The following PARP15 variants were observed in gnomAD, a reference collection of about 807,000 sequenced individuals.
PARP15 encodes protein mono-ADP-ribosyltransferase PARP15.
A neutral mutation model predicts 62.1 loss-of-function variants in PARP15; 50 were observed. That is an observed-to-expected ratio of 0.81 (90% confidence interval 0.64 to 1.02). The LOEUF (loss-of-function observed/expected upper bound fraction) is 1.02. PARP15 is among the 50% of genes least tolerant of loss of function. The pLI is 0.00. For missense variants in PARP15, 820 were observed against 826.5 expected (o/e 0.99, Z 0.10); for synonymous variants, 309 against 293.1 (o/e 1.05, Z -0.55).
chr3:122,593,690 G>A (rs1349962228), intron 1 of PARP15, among the ~76,000 whole-genome samples: 1 of 151,988 alleles, frequency 6.6e-6, no homozygotes, highest in Non-Finnish European at 1.5e-5. Flanking sequence ...GTTTTCTCTA[G>A]TGTTTTACTT....
chr3:122,598,644 G>A (rs2107500607), intron 1 of PARP15, among the ~76,000 whole-genome samples: 1 of 152,302 alleles, frequency 6.6e-6, no homozygotes, highest in East Asian at 1.9e-4. Flanking sequence ...AAGTGACATA[G>A]CGTCAATTCT....
chr3:122,602,554 C>T (rs1009783926), intron 1 of PARP15, among the ~76,000 whole-genome samples: 3 of 152,192 alleles, frequency 2.0e-5, no homozygotes, highest in Non-Finnish European at 4.4e-5. Context: ...AACTCAGGCT[C>T]TGTTGCTAGG....
chr3:122,612,432 T>TTTTTGTTTTTGC (rs1482172149), intron 3 of PARP15, among the ~76,000 whole-genome samples: 4 of 151,984 alleles, frequency 2.6e-5, no homozygotes, highest in Non-Finnish European at 4.4e-5. Context: ...TTTGTTTTTG[T>TTTTTGTTTTTGC]TTTTGTTTTT....
At chr3:122,596,697 GCTTATA>G (rs992767716) in intron 1 of PARP15, among the ~76,000 whole-genome samples, 80 of 152,264 alleles carry the variant, frequency 5.3e-4, no homozygotes, top group African/African-American at 1.8e-3. Flanking sequence ...GCACAAAATA[GCTTATA>G]CTTATACTTT....
intron 3 of PARP15, among the ~76,000 whole-genome samples, chr3:122,610,948 G>T (rs1409240670): frequency 6.6e-6 from 1 of 152,160 alleles, no homozygotes; most frequent in Non-Finnish European, 1.5e-5. Context: ...TCTGCCCTAG[G>T]CTGTGAAACC....
At chr3:122,584,574 CT>C (rs1295988177) in intron 1 of PARP15, among the ~76,000 whole-genome samples, 145 of 136,592 alleles carry the variant, frequency 1.1e-3, no homozygotes, top group East Asian at 8.5e-3. Context: ...CATTTCTTTC[CT>C]TTTTTTTTTT....
intron 1 of PARP15, among the ~76,000 whole-genome samples, 170 bp from the exon 2 acceptor site, chr3:122,605,766 G>A (rs144865031): frequency 0.016 from 2,402 of 152,090 alleles, 65 homozygotes; most frequent in African/African-American, 0.053. Context: ...TTTTTTCGTA[G>A]AGACAGGGTC....
intron 1 of PARP15, among the ~76,000 whole-genome samples, chr3:122,581,139 C>T (rs2080794960): frequency 6.6e-6 from 1 of 152,200 alleles, no homozygotes; most frequent in Non-Finnish European, 1.5e-5. Context: ...CCTAATAACA[C>T]ATTTATCAGA....
At chr3:122,587,659 G>A (rs1342650604) in intron 1 of PARP15, among the ~76,000 whole-genome samples, 1 of 152,122 alleles carries the variant, frequency 6.6e-6, no homozygotes, top group Non-Finnish European at 1.5e-5. Context: ...CTCCCTGGTA[G>A]CTGGGACTAT....
chr3:122,617,962 C>G (rs979887367), intron 6 of PARP15, among the ~76,000 whole-genome samples: 23 of 152,146 alleles, frequency 1.5e-4, no homozygotes, highest in African/African-American at 5.3e-4. Context: ...GAACTCCTGA[C>G]CTCAGGTGAT....
At chr3:122,606,486 AG>A (rs1576507799) in intron 2 of PARP15, among the ~76,000 whole-genome samples, 1 of 152,208 alleles carries the variant, frequency 6.6e-6, no homozygotes, top group Non-Finnish European at 1.5e-5. Flanking sequence ...GGAGGGATAA[AG>A]GTTACCAGAA....
rs149393892 is a variant in PARP15 at position 122,611,860 on chromosome 3, A to G, written c.543+1130A>G. Among the ~76,000 whole-genome samples the G allele has an allele frequency of 4.1e-3, 624 of 152,018 alleles. 3 individuals are homozygous for G. Among genetic ancestry groups the G allele is most frequent in the African/African-American group, 0.013 (552 of 41,442 alleles). On this transcript the variant is annotated intron_variant, in intron 3 of 11. Transcript: ENST00000464300. Reference sequence around the variant, plus strand: ...CTCCCGAGTAGCTAGGATTATAGGCATGTGCCACTACACCTGGCTAATTTT... The same window carrying G: ...CTCCCGAGTAGCTAGGATTATAGGCGTGTGCCACTACACCTGGCTAATTTT...
chr3:122,608,938 AGAGACAAAGTCTCACTGTGTTG>A (rs1325733804), intron 2 of PARP15, among the ~76,000 whole-genome samples: 1 of 151,796 alleles, frequency 6.6e-6, no homozygotes, highest in Non-Finnish European at 1.5e-5. Context: ...TTTTAATTGT[AGAGACAAAGTCTCACTGTGTTG>A]CTCAGGCTGG....
In PARP15 at chr3:122,579,999, G is replaced by GTGTATATATA. The variant is rs1553725409; in HGVS notation, c.186+2147_186+2148insGTATATATAT. Among the ~76,000 whole-genome samples the GTGTATATATA allele has an allele frequency of 2.7e-3, 171 of 64,446 alleles. 2 individuals carry two copies. Among genetic ancestry groups the GTGTATATATA allele is most frequent in the Non-Finnish European group, 4.5e-3 (137 of 30,722 alleles). 42.3% of individuals were successfully genotyped at this position (64,446 alleles called of 152,430 possible). On this transcript the variant is annotated intron_variant, in intron 1 of 11. Transcript: ENST00000464300. Reference sequence around the variant, plus strand: ...GTCTGAACAACAACAGCAACTATATGTATATATATATATATATATATATAT... The same window carrying GTGTATATATA: ...GTCTGAACAACAACAGCAACTATATGTGTATATATATATATATATATATATATATATATAT...
chr3:122,625,243 CTTTG>C (rs1052735624), intron 8 of PARP15, among the ~76,000 whole-genome samples: 6 of 106,606 alleles, frequency 5.6e-5, no homozygotes, highest in African/African-American at 7.1e-5. Context: ...TGTTGTTGTT[CTTTG>C]TTTGTTTTTT....
chr3:122,621,377 C>T, intron 7 of PARP15, 67 bp from the exon 8 acceptor site: 2 of 1,502,874 alleles, frequency 1.3e-6, no homozygotes, highest in Non-Finnish European at 1.8e-6. Flanking sequence ...TTTCATTTCT[C>T]AAAAATCAAA....
intron 1 of PARP15, among the ~76,000 whole-genome samples, chr3:122,583,987 C>T (rs894531153): frequency 3.3e-5 from 5 of 152,096 alleles, no homozygotes; most frequent in Non-Finnish European, 7.4e-5. Context: ...CTTTTTCCTG[C>T]TTTGTGGCTT....
rs938078831 is a variant in PARP15, at chr3:122,637,643, C to T, written c.*1543C>T. 2.6e-5 allele frequency: 4 copies of T among 152,102 alleles called. No homozygotes were observed. The highest frequency in any genetic ancestry group is 6.5e-5 in the Admixed American group (1 of 15,276). The allele number at this position is 152,102 out of a possible 1,614,324, so 9.4% of individuals were successfully genotyped here. On this transcript the variant is annotated 3_prime_UTR_variant, in exon 12 of 12. Coordinates refer to ENST00000464300, the MANE Select transcript of PARP15 (RefSeq NM_001113523.3). ...CAGAAAAGTATAAAGAAAAATAACT[C>T]ACCAAACTCACTCATAATTCCAGCA...
At chr3:122,585,767 A>T (rs998981037) in intron 1 of PARP15, among the ~76,000 whole-genome samples, 4 of 152,238 alleles carry the variant, frequency 2.6e-5, no homozygotes, top group Non-Finnish European at 5.9e-5. Flanking sequence ...CATGGACTCC[A>T]TAAACTGCCA....
Sources: gnomAD v4.1 joint callset for allele counts (sites outside exome capture counted in the v4.1 genomes callset) on GRCh38, gnomAD v4.1.1 for gene constraint, MANE v1.5 for transcripts, NCBI Gene and HGNC (gene_info 2026-07-23, HGNC 2026-07-21) for gene names.